Variants in TOP1 observed in about 807,000 individuals in gnomAD.
TOP1 encodes the protein DNA topoisomerase 1.
A neutral mutation model predicts 111.1 loss-of-function variants in TOP1; 10 were observed. That is an observed-to-expected ratio of 0.09 (90% CI 0.06 to 0.15). The LOEUF (loss-of-function observed/expected upper bound fraction) is 0.15, where lower values mean the gene tolerates loss of function less well. TOP1 is among the 10% of genes least tolerant of loss of function. TOP1 has a pLI of 1.00. For missense variants in TOP1, 474 were observed against 926.7 expected (o/e 0.51, Z 6.34); for synonymous variants, 271 against 302.9 (o/e 0.89, Z 1.10).
At chr20:41,096,554 A>T (rs2033985431) in intron 9 of TOP1, among the ~76,000 whole-genome samples, 1 of 152,188 alleles carries the variant, frequency 6.6e-6, no homozygotes, top group Non-Finnish European at 1.5e-5. Context: ...AGGATTCAGT[A>T]GGTCTAGGAG....
chr20:41,104,836 G>T (rs754730600), intron 13 of TOP1, among the ~76,000 whole-genome samples: 11 of 152,174 alleles, frequency 7.2e-5, no homozygotes, highest in Non-Finnish European at 1.5e-4. Flanking sequence ...ATCTTCAAAG[G>T]TTGGGGTTTG....
rs2033642508 is a variant in TOP1, at chr20:41,069,181, A to G, written c.156-6990A>G. Among the ~76,000 whole-genome samples the G allele has an allele frequency of 6.6e-6, 1 of 152,242 alleles. No homozygotes were observed. Among genetic ancestry groups the G allele is most frequent in the African/African-American group, 2.4e-5 (1 of 41,464 alleles). The stretch of plus-strand genomic sequence containing the variant: ...TGAGAGAATGTAGGATTTTAGGAAT[A>G]TGCACTTGAATTACGCATCTAGTTC... On this transcript the variant is annotated intron_variant, in intron 3 of 20. Coordinates refer to ENST00000361337, the MANE Select transcript of TOP1 (RefSeq NM_003286.4). This position sits in a 1 kb window ranked among gnomAD's most constrained non-coding sequence, Gnocchi z 4.1.
chr20:41,054,513 G>C (rs2033445673), intron 2 of TOP1, among the ~76,000 whole-genome samples: 1 of 152,164 alleles, frequency 6.6e-6, no homozygotes, highest in African/African-American at 2.4e-5. Context: ...CAGATACCTA[G>C]ATACCCATTA....
rs1037811533 is a variant in TOP1 at position 41,046,979 on chromosome 20, G to A, written c.59-14415G>A. ...AGTCAAGTTGATTGGCCATTCATGAGCTGTGTGCAGGGAGAGAAGAGAGAC... is the reference window on the plus strand; with the variant it reads ...AGTCAAGTTGATTGGCCATTCATGAACTGTGTGCAGGGAGAGAAGAGAGAC... On this transcript the variant is annotated intron_variant, in intron 2 of 20. Coordinates refer to ENST00000361337, the MANE Select transcript of TOP1 (RefSeq NM_003286.4). The surrounding 1 kb of genome is among the most constrained non-coding windows in gnomAD (Gnocchi z 4.3). Among the ~76,000 whole-genome samples the A allele has an allele frequency of 6.6e-6, 1 of 152,202 alleles. No individual in the cohort carries two copies. The highest frequency in any genetic ancestry group is 1.5e-5 in the Non-Finnish European group (1 of 68,044).
intron 17 of TOP1, among the ~76,000 whole-genome samples, chr20:41,117,627 C>T (rs1041462727): frequency 7.9e-5 from 12 of 151,858 alleles, no homozygotes; most frequent in Admixed American, 3.9e-4. Flanking sequence ...CCTTGTGATC[C>T]GCCCGCCTCG....
rs2033966370 is a variant in TOP1, at chr20:41,095,118, C to G, written c.731-2102C>G. Among the ~76,000 whole-genome samples the G allele has an allele frequency of 6.6e-6, 1 of 152,202 alleles. No homozygotes were observed. The highest frequency in any genetic ancestry group is 1.5e-5 in the Non-Finnish European group (1 of 68,042). ...CCAGGCTGGAGTGCAGTGGCACAATCTTGGCTCACTGCAGCCTCCACCTCC... is the reference window on the plus strand; with the variant it reads ...CCAGGCTGGAGTGCAGTGGCACAATGTTGGCTCACTGCAGCCTCCACCTCC... On this transcript the variant is annotated intron_variant, in intron 9 of 20. Transcript: ENST00000361337. The surrounding 1 kb of genome is among the most constrained non-coding windows in gnomAD (Gnocchi z 4.6).
chr20:41,112,991 C>T lies in TOP1; in HGVS notation c.1452+66C>T. The T allele has an allele frequency of 1.3e-6, 2 of 1,541,650 alleles. No individual in the cohort carries two copies. Among genetic ancestry groups the T allele is most frequent in the Non-Finnish European group, 1.8e-6 (2 of 1,134,210 alleles). Reference sequence around the variant, plus strand: ...TAACAAAGGGAGTTTCTGCTCTGCCCCAGGCCCTGTGCCACATACTGTATA... The same window carrying T: ...TAACAAAGGGAGTTTCTGCTCTGCCTCAGGCCCTGTGCCACATACTGTATA... On this transcript the variant is annotated intron_variant, in intron 14 of 20. Transcript: ENST00000361337. The surrounding 1 kb of genome is among the most constrained non-coding windows in gnomAD (Gnocchi z 5.8).
chr20:41,120,559 G>C (rs2034406491), intron 18 of TOP1, among the ~76,000 whole-genome samples: 1 of 152,226 alleles, frequency 6.6e-6, no homozygotes, highest in South Asian at 2.1e-4. Context: ...GCAGGAATCT[G>C]AGAAGAACTT....
chr20:41,076,646 T>C (rs2033730616), intron 4 of TOP1, among the ~76,000 whole-genome samples: 1 of 152,232 alleles, frequency 6.6e-6, no homozygotes, highest in Non-Finnish European at 1.5e-5. Context: ...GATGCTGGTG[T>C]CTTTTGTGGC....
At chr20:41,081,836 G>A (rs1036182696) in intron 7 of TOP1, among the ~76,000 whole-genome samples, 11 of 152,146 alleles carry the variant, frequency 7.2e-5, no homozygotes, top group South Asian at 4.2e-4. Context: ...CGAGCTTTAC[G>A]TAGCACCTGC....
chr20:41,066,139 TATC>T (rs1366379247), intron 3 of TOP1, among the ~76,000 whole-genome samples: 1 of 152,196 alleles, frequency 6.6e-6, no homozygotes, highest in East Asian at 1.9e-4. Flanking sequence ...TTTGAAAACT[TATC>T]TTCTCTAACA....
rs1356731131 is a variant in TOP1, at chr20:41,078,222, G to A, written c.335+585G>A. On this transcript the variant is annotated intron_variant, in intron 5 of 20. Transcript: ENST00000361337. This position sits in a 1 kb window ranked among gnomAD's most constrained non-coding sequence, Gnocchi z 5.3. ...AGAGGAAAATGCGCAAAATCTAGAG[G>A]TTACTTCCTATACTGTTTTTACCTT... is the stretch of plus-strand genomic sequence containing the variant. 2.6e-5 allele frequency among the ~76,000 whole-genome samples: 4 copies of A among 151,956 alleles called. No homozygotes were observed. The highest frequency in any genetic ancestry group is 6.6e-5 in the Admixed American group (1 of 15,262).
intron 13 of TOP1, among the ~76,000 whole-genome samples, chr20:41,111,776 A>G (rs967781070): frequency 2.6e-5 from 4 of 152,134 alleles, no homozygotes; most frequent in African/African-American, 9.7e-5. Context: ...AATTAAGAGC[A>G]GAGATTCTTG....
Position 41,101,396 on chromosome 20 carries a change from A to G in TOP1, c.1308+43A>G. The G allele has an allele frequency of 6.3e-7, 1 of 1,579,376 alleles. No individual in the cohort carries two copies. The highest frequency in any genetic ancestry group is 1.4e-5 in the African/African-American group (1 of 74,042). On this transcript the variant is annotated intron_variant, in intron 13 of 20. Coordinates refer to ENST00000361337, the MANE Select transcript of TOP1 (RefSeq NM_003286.4). This position sits in a 1 kb window ranked among gnomAD's most constrained non-coding sequence, Gnocchi z 4.1. ...AGCTGCACTGGTTCATGGTGCTGATAACCTTTTTTTGTTGAAATGTAACGT... is the reference window on the plus strand; with the variant it reads ...AGCTGCACTGGTTCATGGTGCTGATGACCTTTTTTTGTTGAAATGTAACGT...
rs190187682 is a variant in TOP1 at position 41,095,042 on chromosome 20, T to A, written c.731-2178T>A. Among the ~76,000 whole-genome samples, 9 of 152,194 alleles carry A rather than the reference T, an allele frequency of 5.9e-5. No individual in the cohort carries two copies. Among genetic ancestry groups the A allele is most frequent in the African/African-American group, 1.7e-4 (7 of 41,542 alleles). On this transcript the variant is annotated intron_variant, in intron 9 of 20. Coordinates refer to ENST00000361337, the MANE Select transcript of TOP1 (RefSeq NM_003286.4). The surrounding 1 kb of genome is among the most constrained non-coding windows in gnomAD (Gnocchi z 4.6). ...AAAACAGCCCAAAATCTCATTTTTTTTAAATTTATTTTTATATTTATTTAT... is the reference window on the plus strand; with the variant it reads ...AAAACAGCCCAAAATCTCATTTTTTATAAATTTATTTTTATATTTATTTAT...
At position 41,109,720 on chromosome 20, in the gene TOP1, C is replaced by T. The variant is rs142852007; in HGVS notation, c.1309-3062C>T. ...ATAAATAAGCAAATGAAAGAGTGCTCGACATCACTAATTATCAGTGGAGTG... is the reference window on the plus strand; with the variant it reads ...ATAAATAAGCAAATGAAAGAGTGCTTGACATCACTAATTATCAGTGGAGTG... On this transcript the variant is annotated intron_variant, in intron 13 of 20. Coordinates refer to ENST00000361337, the MANE Select transcript of TOP1 (RefSeq NM_003286.4). This position sits in a 1 kb window ranked among gnomAD's most constrained non-coding sequence, Gnocchi z 4.1. Among the ~76,000 whole-genome samples the T allele has an allele frequency of 6.1e-3, 933 of 152,216 alleles. 10 individuals carry two copies. Among genetic ancestry groups the T allele is most frequent in the African/African-American group, 0.021 (880 of 41,534 alleles).
chr20:41,032,107 T>G lies in TOP1; in HGVS notation c.58+2652T>G, dbSNP rs138278290. Among the ~76,000 whole-genome samples the G allele has an allele frequency of 6.6e-6, 1 of 152,306 alleles. No homozygotes were observed. The highest frequency in any genetic ancestry group is 1.9e-4 in the East Asian group (1 of 5,186). ...GCCCAGACATGTCATTATTGAACTTTGTATTAAGAGATTGTTTAAGCGTGA... is the reference window on the plus strand; with the variant it reads ...GCCCAGACATGTCATTATTGAACTTGGTATTAAGAGATTGTTTAAGCGTGA... On this transcript the variant is annotated intron_variant, in intron 2 of 20. Coordinates refer to ENST00000361337, the MANE Select transcript of TOP1 (RefSeq NM_003286.4). This position sits in a 1 kb window ranked among gnomAD's most constrained non-coding sequence, Gnocchi z 4.3.
At chr20:41,113,933 T>A in intron 14 of TOP1, 37 bp from the exon 15 acceptor site, 1 of 1,510,134 alleles carries the variant, frequency 6.6e-7, no homozygotes, top group Non-Finnish European at 9.1e-7. Flanking sequence ...TCATGTCTCT[T>A]CCATTCATGC....
At chr20:41,077,859 A>G (rs982297546) in intron 5 of TOP1, among the ~76,000 whole-genome samples, 18 of 152,130 alleles carry the variant, frequency 1.2e-4, no homozygotes, top group Non-Finnish European at 2.4e-4. Flanking sequence ...GGTTATTTCG[A>G]ATAGAGAAGG....
Sources: gnomAD v4.1 joint callset for allele counts (sites outside exome capture counted in the v4.1 genomes callset) on GRCh38, gnomAD v4.1.1 for gene constraint, Gnocchi (gnomAD v3.1) non-coding constraint, MANE v1.5 for transcripts, NCBI Gene and HGNC (gene_info 2026-07-23, HGNC 2026-07-21) for gene names.